The following HUWE1 variants were observed in gnomAD, a reference collection of about 807,000 sequenced individuals.
HUWE1 encodes the protein HECT, UBA and WWE domain containing E3 ubiquitin protein ligase 1, also known as E3 ubiquitin-protein ligase HUWE1.
In HUWE1, 18 loss-of-function variants were observed where a neutral mutation model predicts 299.4. The ratio of observed to expected loss-of-function variants is 0.06; its 90% CI spans 0.04 to 0.09. The LOEUF (loss-of-function observed/expected upper bound fraction) is 0.09, where lower values mean the gene tolerates loss of function less well. Ranked by LOEUF, HUWE1 falls within the 10% of genes least tolerant of loss-of-function variation. The probability of loss-of-function intolerance (pLI) is 1.00; values close to 1 mark genes in which losing one functional copy is unlikely to be tolerated. For synonymous variants in HUWE1, 1,317 were observed against 1,286.1 expected, an observed-to-expected ratio of 1.02 and a Z score of -0.51; for missense variants, 1,832 against 3,462.3, an observed-to-expected ratio of 0.53 and a Z score of 11.82.
intron 47 of HUWE1, 31 bp downstream of exon 47, chrX:53,573,708 GAAGTACAGTGT>G (rs1377438538): frequency 3.8e-6 from 4 of 1,058,017 alleles, no homozygotes; most frequent in Non-Finnish European, 5.3e-6. Flanking sequence ...CCAAATGATG[GAAGTACAGTGT>G]AACATCTTAA....
In HUWE1 at chrX:53,645,391, T is replaced by C. The variant is rs1557034809; in HGVS notation, c.424A>G (p.Ser142Gly). 8.3e-7 allele frequency: 1 copy of C among 1,208,836 alleles called. No individual in the cohort carries two copies. The highest frequency in any genetic ancestry group is 1.1e-6 in the Non-Finnish European group (1 of 893,578). Residue 142 changes from serine (S) to glycine (G), a missense_variant, in exon 7 of 84, where the codon AGC becomes GGC. Transcript: ENST00000262854. ...CGAGTGATGTAGTTTGATCTTTTGC[T>C]AAATACATATAGGAGATTGAGGACT... ...LAVLNLLYVF[S>G]KRSNYITRLG... is the part of the protein sequence containing the mutation.
intron 8 of HUWE1, 92 bp downstream of exon 8, chrX:53,634,144 T>C (rs1204470853): frequency 1.4e-6 from 1 of 703,435 alleles, no homozygotes; most frequent in African/African-American, 2.1e-5. Context: ...TGTGAAGGCG[T>C]CACTTCATAT....
At chrX:53,624,873 A>G (rs782272782) in intron 18 of HUWE1, among the ~76,000 whole-genome samples, 198 bp from the exon 19 acceptor site, 62 of 112,295 alleles carry the variant, frequency 5.5e-4, no homozygotes, top group African/African-American at 2.0e-3. Flanking sequence ...GGGTTAAAAA[A>G]AGAAAGAACA....
At chrX:53,668,835 AAGG>A (rs2069383099) in intron 3 of HUWE1, among the ~76,000 whole-genome samples, 1 of 112,440 alleles carries the variant, frequency 8.9e-6, no homozygotes, top group Non-Finnish European at 1.9e-5. Context: ...CCTGCATATG[AAGG>A]AGAACATACA....
rs1211264430 is a variant in HUWE1, at chrX:53,578,525, G to A, written c.5717-1458C>T. 3.2e-3 allele frequency among the ~76,000 whole-genome samples: 327 copies of A among 101,606 alleles called. 3 individuals are homozygous for A. The highest frequency in any genetic ancestry group is 4.8e-3 in the Non-Finnish European group (234 of 49,004). 88.2% of individuals were successfully genotyped at this position (101,606 alleles called of 115,157 possible). A position where few individuals can be genotyped will look rare whatever the true frequency, so the allele number is the denominator to read the frequency against. ...GCCCGGCCAGCCGCCCAGTCCGGGA[G>A]GGAGGTGGGGGGTCAGCCCCCCGCC... is the stretch of plus-strand genomic sequence containing the variant. On this transcript the variant is annotated intron_variant, in intron 43 of 83. Coordinates refer to ENST00000262854, the MANE Select transcript of HUWE1 (RefSeq NM_031407.7).
chrX:53,535,933 T>TC (rs2061034131), intron 80 of HUWE1: 1 of 302,567 alleles, frequency 3.3e-6, no homozygotes, highest in East Asian at 6.0e-5. Flanking sequence ...TTTTTTTTTT[T>TC]TTTTTTTTTT....
chrX:53,625,114 A>G (rs782637028), intron 18 of HUWE1, 43 bp downstream of exon 18: 52 of 820,760 alleles, frequency 6.3e-5, no homozygotes, highest in Non-Finnish European at 9.3e-5. Context: ...AATCTTTGAG[A>G]GAGTAAAATA....
At position 53,631,785 on chromosome X, in the gene HUWE1, T is replaced by TTATA. The variant is rs782816774; in HGVS notation, c.646-175_646-172dup. 34 of 449,915 alleles carry TTATA rather than the reference T, an allele frequency of 7.6e-5. No homozygotes were observed. In the South Asian group the frequency reaches 1.0e-3, roughly 13 times the overall value. The allele number at this position is 449,915 out of a possible 1,213,427, so 37.1% of individuals were successfully genotyped here. On this transcript the variant is annotated intron_variant, in intron 9 of 83. Transcript: ENST00000262854. ...TTGAGAATCTTCCAAAACATCCATC[T>TTATA]TATATGTAGAATATTCTTAGGAAAG...
chrX:53,631,705 A>C, intron 9 of HUWE1, 91 bp from the exon 10 acceptor site: 1 of 633,104 alleles, frequency 1.6e-6, no homozygotes, highest in Non-Finnish European at 2.6e-6. Flanking sequence ...TCTGAAAACC[A>C]AGATGTCACC....
intron 31 of HUWE1, among the ~76,000 whole-genome samples, chrX:53,593,818 G>C (rs2064291908): frequency 8.9e-6 from 1 of 112,218 alleles, no homozygotes; most frequent in African/African-American, 3.2e-5. Flanking sequence ...ACCTAAACCA[G>C]CTGGGCGCGG....
At position 53,549,473 on chromosome X, in the gene HUWE1, C is replaced by T; in HGVS notation, c.9521G>A (p.Arg3174His). ...PSGSNVDTLL[R>H]LRGRLLLDHE... ...GTCCAGAAGGAGCCGTCCTCGGAGG[C>T]GGAGGAGAGTATCTACATTACTGCC... The change falls in exon 67 of 84, where the codon CGC becomes CAC. Residue 3174 changes from arginine (R) to histidine (H), a missense_variant. Physicochemically the swap from Arg to His is conservative, Grantham distance 29 (BLOSUM62 0). Coordinates refer to ENST00000262854, the MANE Select transcript of HUWE1 (RefSeq NM_031407.7). 2.5e-6 allele frequency: 3 copies of T among 1,208,931 alleles called. No homozygotes were observed. Among genetic ancestry groups the T allele is most frequent in the Non-Finnish European group, 3.4e-6 (3 of 895,125 alleles).
intron 75 of HUWE1, 101 bp downstream of exon 75, chrX:53,539,556 T>C (rs1556916486): frequency 1.2e-6 from 1 of 807,830 alleles, no homozygotes; most frequent in Admixed American, 2.3e-5. Context: ...ACAGAGACAC[T>C]GAGGGAGAGG....
Position 53,586,588 on chromosome X carries a change from ATC to A in HUWE1, c.4743-19_4743-18del, listed in dbSNP as rs2063869843. ...GTGATCCACCTAAAAAAGAAAAATGATCTGTTTTGGGAAAGCAAGAAACCTGC... is the reference window on the plus strand; with the variant it reads ...GTGATCCACCTAAAAAAGAAAAATGATGTTTTGGGAAAGCAAGAAACCTGC... On this transcript the variant is annotated intron_variant, in intron 38 of 83. Transcript: ENST00000262854. The A allele has an allele frequency of 8.6e-7, 1 of 1,169,525 alleles. No homozygotes were observed. Among genetic ancestry groups the A allele is most frequent in the Admixed American group, 2.2e-5 (1 of 45,520 alleles).
intron 40 of HUWE1, 59 bp from the exon 41 acceptor site, chrX:53,584,404 G>A: frequency 2.1e-6 from 2 of 952,408 alleles, no homozygotes; most frequent in Non-Finnish European, 3.0e-6. Flanking sequence ...TAAAGGTGGG[G>A]GAGGGGAGGG....
At chrX:53,565,264 T>C in intron 49 of HUWE1, 25 bp from the exon 50 acceptor site, 1 of 1,157,410 alleles carries the variant, frequency 8.6e-7, no homozygotes, top group East Asian at 3.0e-5. Context: ...GATAAAGAGA[T>C]GGACTGAGCA....
At chrX:53,543,102 CCCCT>C in intron 73 of HUWE1, among the ~76,000 whole-genome samples, 1 of 110,689 alleles carries the variant, frequency 9.0e-6, no homozygotes, top group African/African-American at 3.3e-5. Context: ...GGAGTCACTG[CCCCT>C]AAGTTCAAGG....
At chrX:53,533,931 G>T in intron 83 of HUWE1, 76 bp downstream of exon 83, 1 of 982,943 alleles carries the variant, frequency 1.0e-6, no homozygotes, top group Non-Finnish European at 1.5e-6. Context: ...TCCCAATCTT[G>T]GGTAGGGTCC....
At chrX:53,572,630 C>T (rs2062888348) in intron 47 of HUWE1, among the ~76,000 whole-genome samples, 1 of 111,387 alleles carries the variant, frequency 9.0e-6, no homozygotes, top group Non-Finnish European at 1.9e-5. Flanking sequence ...CTCAAAATGC[C>T]CCACTCACTT....
chrX:53,540,368 G>C (rs1263881052), intron 74 of HUWE1, among the ~76,000 whole-genome samples: 1 of 106,731 alleles, frequency 9.4e-6, no homozygotes, highest in Non-Finnish European at 1.9e-5. Flanking sequence ...TCGTTCTGTC[G>C]CCCAGGCTGC....
Sources: allele counts gnomAD v4.1 joint callset (sites outside exome capture counted in the v4.1 genomes callset), GRCh38; gene constraint gnomAD v4.1.1; transcripts MANE v1.5; gene names NCBI Gene and HGNC (gene_info 2026-07-23, HGNC 2026-07-21).